Variants in RNF6 observed in about 807,000 individuals in gnomAD.
RNF6 encodes E3 ubiquitin-protein ligase RNF6.
Under a neutral mutation model 50.1 loss-of-function variants are expected in RNF6, and 21 were observed. The observed-to-expected ratio is 0.42, with a 90% CI of 0.30 to 0.60. The LOEUF is 0.60. Among genes scored for constraint, RNF6 ranks in the 20% least tolerant of loss-of-function variants. The probability of loss-of-function intolerance (pLI) is 0.20; values close to 1 mark genes in which losing one functional copy is unlikely to be tolerated. For missense variants in RNF6, 698 were observed against 838.2 expected (o/e 0.83, Z 2.07); for synonymous variants, 255 against 291.8 (o/e 0.87, Z 1.29).
At chr13:26,165,127 G>A (rs1158490239) in intron 5 of RNF6, among the ~76,000 whole-genome samples, 1 of 152,178 alleles carries the variant, frequency 6.6e-6, no homozygotes, top group Non-Finnish European at 1.5e-5. Context: ...TAGGGACTCG[G>A]CGCCCTGCAT....
intron 5 of RNF6, among the ~76,000 whole-genome samples, chr13:26,137,171 A>C (rs1470465535): frequency 1.3e-5 from 2 of 152,138 alleles, no homozygotes; most frequent in African/African-American, 4.8e-5. Context: ...ACTAAAGCTT[A>C]CCCAGTGCTC....
At chr13:26,210,318 A>G (rs1270673831), downstream of RNF6, among the ~76,000 whole-genome samples, 2 of 152,214 alleles carry the variant, frequency 1.3e-5, no homozygotes, top group African/African-American at 4.8e-5. Flanking sequence ...CCCTGGCCAC[A>G]GATTATTCCA....
chr13:26,212,167 C>G (rs1233920659), downstream of RNF6, among the ~76,000 whole-genome samples: 1 of 152,148 alleles, frequency 6.6e-6, no homozygotes, highest in Non-Finnish European at 1.5e-5. Flanking sequence ...TAGACCCATC[C>G]TCCTGGGCCA....
downstream of RNF6, among the ~76,000 whole-genome samples, chr13:26,210,714 G>A (rs10507351): frequency 0.059 from 8,932 of 152,254 alleles, 876 homozygotes; most frequent in African/African-American, 0.2. Flanking sequence ...AAATAGCCAC[G>A]TGATTGACTC....
chr13:26,180,515 T>G (rs751073113), intron 5 of RNF6, among the ~76,000 whole-genome samples: 1 of 152,198 alleles, frequency 6.6e-6, no homozygotes, highest in Non-Finnish European at 1.5e-5. Flanking sequence ...AGAGAGCAGT[T>G]GATATAAAAG....
intron 5 of RNF6, among the ~76,000 whole-genome samples, chr13:26,162,630 A>T (rs143956505): frequency 6.6e-6 from 1 of 152,336 alleles, no homozygotes; most frequent in Non-Finnish European, 1.5e-5. Context: ...ACTATTTCCT[A>T]TGAGTAAATC....
chr13:26,172,214 A>C (rs938807937), intron 5 of RNF6, among the ~76,000 whole-genome samples: 1 of 152,230 alleles, frequency 6.6e-6, no homozygotes, highest in Admixed American at 6.5e-5. Context: ...ATGCCATGGC[A>C]GGTCATTGGG....
chr13:26,137,151 A>G (rs1021707161), intron 5 of RNF6, among the ~76,000 whole-genome samples: 1 of 152,120 alleles, frequency 6.6e-6, no homozygotes, highest in African/African-American at 2.4e-5. Context: ...GCTTGTTTTT[A>G]TTTAACCTCA....
intron 5 of RNF6, among the ~76,000 whole-genome samples, chr13:26,150,020 ATATATATACACAGTGTATATATAATGTG>A (rs1332738538): frequency 1.3e-4 from 14 of 106,268 alleles, no homozygotes; most frequent in African/African-American, 5.0e-4. Flanking sequence ...TAATGTGTAT[ATATATATACACAGTGTATATATAATGTG>A]TATATATATA....
chr13:26,199,521 A>G (rs1426509346), intron 5 of RNF6, among the ~76,000 whole-genome samples: 1 of 152,206 alleles, frequency 6.6e-6, no homozygotes, highest in Non-Finnish European at 1.5e-5. Flanking sequence ...AAAGAAAAAC[A>G]TTGATAATCT....
Position 26,218,616 on chromosome 13 carries a change from T to C in RNF6, c.194-10A>G, listed in dbSNP as rs371840034. On this transcript the variant is annotated splice_polypyrimidine_tract_variant and intron_variant, in intron 3 of 4. Coordinates refer to ENST00000381588, the MANE Select transcript of RNF6 (RefSeq NM_005977.4). ...TCTGATGTTATTTCTCCTAAAACAA[T>C]GAAAAACTGCTCATTTAAGAATTCT... 6.2e-7 allele frequency: 1 copy of C among 1,608,924 alleles called. No individual in the cohort carries two copies. The highest frequency in any genetic ancestry group is 8.5e-7 in the Non-Finnish European group (1 of 1,175,744).
intron 5 of RNF6, among the ~76,000 whole-genome samples, chr13:26,198,914 T>G (rs549695798): frequency 1.3e-5 from 2 of 152,050 alleles, no homozygotes; most frequent in Admixed American, 6.5e-5. Context: ...TGCTTAGGCA[T>G]AAATTTAACA....
chr13:26,141,183 A>C (rs1303221838), intron 5 of RNF6, among the ~76,000 whole-genome samples: 1 of 152,116 alleles, frequency 6.6e-6, no homozygotes, highest in Non-Finnish European at 1.5e-5. Flanking sequence ...AATCCTAAGC[A>C]AAAAGAACAA....
intron 5 of RNF6, among the ~76,000 whole-genome samples, chr13:26,197,914 GC>G (rs1216244569): frequency 6.6e-6 from 1 of 151,744 alleles, no homozygotes; most frequent in East Asian, 1.9e-4. Flanking sequence ...TTTTCAGGAA[GC>G]CCCCGTAACA....
chr13:26,136,258 C>A (rs1187053752), intron 5 of RNF6, among the ~76,000 whole-genome samples: 1 of 152,026 alleles, frequency 6.6e-6, no homozygotes, highest in Non-Finnish European at 1.5e-5. Context: ...ACTCTTTAAC[C>A]CCAAGAAGAG....
intron 5 of RNF6, among the ~76,000 whole-genome samples, chr13:26,155,767 C>A (rs1378219834): frequency 6.6e-6 from 1 of 152,140 alleles, no homozygotes; most frequent in East Asian, 1.9e-4. Flanking sequence ...ATGGCTCAGG[C>A]GTCATCTGTT....
chr13:26,152,177 CTT>C (rs1478449927), intron 5 of RNF6, among the ~76,000 whole-genome samples: 2 of 152,178 alleles, frequency 1.3e-5, no homozygotes, highest in Non-Finnish European at 2.9e-5. Flanking sequence ...ATATTTGTAA[CTT>C]ATTTATTTTT....
At chr13:26,149,447 C>T (rs538590005) in intron 5 of RNF6, among the ~76,000 whole-genome samples, 16 of 152,002 alleles carry the variant, frequency 1.1e-4, no homozygotes, top group African/African-American at 2.9e-4. Flanking sequence ...ATTAGCTGAG[C>T]GTGGTGGCAG....
chr13:26,154,373 G>T (rs981349060), intron 5 of RNF6, among the ~76,000 whole-genome samples: 78 of 152,296 alleles, frequency 5.1e-4, no homozygotes, highest in African/African-American at 1.8e-3. Context: ...CAGAATAAAA[G>T]AATAGTCTTC....
Sources: allele counts gnomAD v4.1 joint callset (sites outside exome capture counted in the v4.1 genomes callset), GRCh38; gene constraint gnomAD v4.1.1; transcripts MANE v1.5; gene names NCBI Gene and HGNC (gene_info 2026-07-23, HGNC 2026-07-21).